Variants in SLC6A16 observed in about 807,000 individuals in gnomAD.
The protein encoded by SLC6A16 is orphan sodium- and chloride-dependent neurotransmitter transporter NTT5.
SLC6A16 carries 54 observed loss-of-function variants against 65.4 expected under a neutral mutation model. The ratio of observed to expected loss-of-function variants is 0.83; its 90% confidence interval spans 0.66 to 1.04. The LOEUF (loss-of-function observed/expected upper bound fraction) is 1.04, where lower values mean the gene tolerates loss of function less well. Ranked by LOEUF, SLC6A16 falls within the 50% of genes least tolerant of loss-of-function variation. The probability of loss-of-function intolerance (pLI) is 0.00; values close to 1 mark genes in which losing one functional copy is unlikely to be tolerated. For synonymous variants in SLC6A16, 330 were observed against 346.5 expected (o/e 0.95, Z 0.53); for missense variants, 816 against 914.0 (o/e 0.89, Z 1.38).
At position 49,309,226 on chromosome 19, in the gene SLC6A16, G is replaced by A; in HGVS notation, c.987+75C>T. Reference sequence around the variant, plus strand: ...AGGGAGATACAAAAGTAAAGAATGGGGAAAGGAAGCTCTAAGAATAGGCAG... The same window carrying A: ...AGGGAGATACAAAAGTAAAGAATGGAGAAAGGAAGCTCTAAGAATAGGCAG... On this transcript the variant is annotated intron_variant, in intron 6 of 11. Transcript: ENST00000335875. The A allele has an allele frequency of 3.2e-6, 5 of 1,576,976 alleles. No individual in the cohort carries two copies. In the South Asian group the frequency reaches 4.4e-5, roughly 14 times the overall value.
chr19:49,289,764 C>T lies in SLC6A16; in HGVS notation c.*359G>A, dbSNP rs147630258. 243 of 242,706 alleles carry T rather than the reference C, an allele frequency of 1.0e-3. No individual in the cohort carries two copies. Among genetic ancestry groups the T allele is most frequent in the African/African-American group, 5.1e-3 (228 of 44,358 alleles). The allele number at this position is 242,706 out of a possible 1,614,324, so 15.0% of individuals were successfully genotyped here. On this transcript the variant is annotated 3_prime_UTR_variant, in exon 12 of 12. Transcript: ENST00000335875. Reference sequence around the variant, plus strand: ...AAAAAAGATCTGCTTACATCCAGTCCTTGGAGTTCCAGTAGACTGATTTAT... The same window carrying T: ...AAAAAAGATCTGCTTACATCCAGTCTTTGGAGTTCCAGTAGACTGATTTAT...
intron 1 of SLC6A16, 29 bp downstream of exon 1, chr19:49,325,019 T>C: frequency 1.0e-6 from 1 of 985,094 alleles, no homozygotes; most frequent in Non-Finnish European, 1.2e-6. Flanking sequence ...GTGGGAACAT[T>C]TTAGGGCTCC....
At chr19:49,309,537 G>A in intron 5 of SLC6A16, 114 bp downstream of exon 5, 1 of 1,261,570 alleles carries the variant, frequency 7.9e-7, no homozygotes, top group Non-Finnish European at 1.1e-6. Flanking sequence ...CAAGAGTCAG[G>A]GGCTAGGGGA....
chr19:49,298,164 T>C (rs1336729743), intron 7 of SLC6A16, among the ~76,000 whole-genome samples: 1 of 152,050 alleles, frequency 6.6e-6, no homozygotes, highest in Non-Finnish European at 1.5e-5. Context: ...AGTGAAGGTG[T>C]AGAGAAACAA....
chr19:49,321,487 G>C (rs748655537), intron 1 of SLC6A16, among the ~76,000 whole-genome samples: 1 of 151,904 alleles, frequency 6.6e-6, no homozygotes, highest in Non-Finnish European at 1.5e-5. Context: ...TGTAATCCCA[G>C]CACTTTGGGA....
At chr19:49,303,822 A>G (rs1970333380) in intron 7 of SLC6A16, among the ~76,000 whole-genome samples, 1 of 152,236 alleles carries the variant, frequency 6.6e-6, no homozygotes, top group Non-Finnish European at 1.5e-5. Flanking sequence ...AAAACTTTGT[A>G]TCTGTCACTT....
intron 10 of SLC6A16, among the ~76,000 whole-genome samples, chr19:49,291,586 A>G (rs1970079849): frequency 6.6e-6 from 1 of 152,062 alleles, no homozygotes; most frequent in Non-Finnish European, 1.5e-5. Flanking sequence ...ATCAGATGAA[A>G]ATGCTGAGGC....
intron 1 of SLC6A16, among the ~76,000 whole-genome samples, chr19:49,321,827 TG>T (rs1313564528): frequency 6.6e-6 from 1 of 151,174 alleles, no homozygotes; most frequent in Non-Finnish European, 1.5e-5. Flanking sequence ...GAGGCTGAGA[TG>T]GGAGAATCAC....
chr19:49,327,064 A>G (rs1280445461), upstream of SLC6A16, among the ~76,000 whole-genome samples: 4 of 147,956 alleles, frequency 2.7e-5, no homozygotes, highest in Non-Finnish European at 4.5e-5. Context: ...CCACAGACCT[A>G]TTTATTTCTA....
intron 1 of SLC6A16, among the ~76,000 whole-genome samples, chr19:49,312,102 C>T (rs1307792914): frequency 1.3e-5 from 2 of 151,890 alleles, no homozygotes; most frequent in African/African-American, 4.8e-5. Context: ...AGTGATCCGC[C>T]CACCTCAGCC....
Position 49,293,334 on chromosome 19 carries a change from G to A in SLC6A16, c.1667C>T (p.Pro556Leu). 1 of 1,614,158 alleles carries A rather than the reference G, an allele frequency of 6.2e-7. No homozygotes were observed. Among genetic ancestry groups the A allele is most frequent in the Non-Finnish European group, 8.5e-7 (1 of 1,180,000 alleles). ...CAGTCTGATGAAGTAGCTGCCTGAA[G>A]GTCGAGTGAAGAAGAGGCCGCACAC... ...MFVCGLFFTR[P>L]SGSYFIRLLS... Residue 556 changes from proline (P) to leucine (L), a missense_variant, in exon 10 of 12, where the codon CCT (proline) becomes CTT (leucine). By Grantham distance (98) the Pro-to-Leu change is moderately conservative. Transcript: ENST00000335875.
rs375834057 is a variant in SLC6A16 at position 49,311,094 on chromosome 19, G to A, written c.254C>T (p.Thr85Met). 35 of 1,614,068 alleles carry A rather than the reference G, an allele frequency of 2.2e-5. No individual in the cohort carries two copies. The highest frequency in any genetic ancestry group is 1.6e-4 in the Middle Eastern group (1 of 6,084). Residue 85 changes from threonine to methionine, a missense_variant, in exon 2 of 12, where the codon ACG becomes ATG. By Grantham distance (81) the Thr-to-Met change is moderately conservative (BLOSUM62 -1). Transcript: ENST00000335875. Reference protein sequence around the residue: ...LTASALNQKPTHEKVQMTEKK... With the variant: ...LTASALNQKPMHEKVQMTEKK... ...CTCTGTCATCTGCACCTTCTCATGC[G>A]TGGGTTTCTGGTTCAGGGCTGAGGC...
At chr19:49,316,809 C>G (rs1376916330) in intron 1 of SLC6A16, among the ~76,000 whole-genome samples, 1 of 146,726 alleles carries the variant, frequency 6.8e-6, no homozygotes, top group Non-Finnish European at 1.5e-5. Context: ...CACTTGAGGC[C>G]AGGAATTCAA....
chr19:49,297,805 A>G (rs979296636), intron 7 of SLC6A16, among the ~76,000 whole-genome samples: 4 of 152,226 alleles, frequency 2.6e-5, no homozygotes, highest in African/African-American at 9.6e-5. Flanking sequence ...ATGAATACTA[A>G]AAACATGCTA....
At chr19:49,326,934 A>T (rs527268179), upstream of SLC6A16, among the ~76,000 whole-genome samples, 4 of 151,946 alleles carry the variant, frequency 2.6e-5, no homozygotes, top group Non-Finnish European at 4.4e-5. Flanking sequence ...CACAAGAATC[A>T]CTTAAAACCA....
chr19:49,318,042 T>G (rs1375018150), intron 1 of SLC6A16, among the ~76,000 whole-genome samples: 1 of 152,128 alleles, frequency 6.6e-6, no homozygotes, highest in Non-Finnish European at 1.5e-5. Context: ...TGACTAGAAT[T>G]AGCTGGGCTA....
intron 7 of SLC6A16, among the ~76,000 whole-genome samples, chr19:49,304,170 T>C (rs546250527): frequency 1.3e-5 from 2 of 152,288 alleles, no homozygotes; most frequent in South Asian, 4.1e-4. Flanking sequence ...AAAGAGGAAA[T>C]GTGAACGTTA....
chr19:49,290,643 T>A lies in SLC6A16; in HGVS notation c.1903A>T (p.Met635Leu), dbSNP rs1432046298. 4 of 1,613,962 alleles carry A rather than the reference T, an allele frequency of 2.5e-6. No individual in the cohort carries two copies. The Admixed American group carries it at 6.7e-5, about 27-fold the overall frequency. Residue 635 changes from methionine (M) to leucine (L), a missense_variant, in exon 11 of 12, where the codon ATG becomes TTG. Physicochemically the swap from Met to Leu is conservative, Grantham distance 15. Coordinates refer to ENST00000335875, the MANE Select transcript of SLC6A16 (RefSeq NM_014037.3). ...IFVTMMVHLC[M>L]KPITYMSWDS... ...CAGGACATGTAGGTGATCGGCTTCATACAAAGATGAACCATCATGGTCACA... is the reference window on the plus strand; with the variant it reads ...CAGGACATGTAGGTGATCGGCTTCAAACAAAGATGAACCATCATGGTCACA...
At chr19:49,331,322 A>T in the SLC6A16 span, among the ~76,000 whole-genome samples, 2 of 152,092 alleles carry the variant, frequency 1.3e-5, no homozygotes, top group African/African-American at 4.8e-5. Flanking sequence ...CTGGGACTGT[A>T]GGTACATACC....
Sources: allele counts gnomAD v4.1 joint callset (sites outside exome capture counted in the v4.1 genomes callset), GRCh38; gene constraint gnomAD v4.1.1; transcripts MANE v1.5; gene names NCBI Gene and HGNC (gene_info 2026-07-23, HGNC 2026-07-21).